DCC: variants seen among roughly 807,000 people sequenced by gnomAD.
DCC encodes the protein DCC netrin 1 receptor.
Under a neutral mutation model 172.5 loss-of-function variants are expected in DCC, and 58 were observed. The ratio of observed to expected loss-of-function variants is 0.34; its 90% confidence interval spans 0.27 to 0.42. DCC has a LOEUF of 0.42. DCC is among the 10% of genes least tolerant of loss of function. The pLI, the probability that DCC is intolerant of heterozygous loss-of-function variation, is 1.00. For synonymous variants in DCC, 709 were observed against 644.5 expected, an observed-to-expected ratio of 1.10 and a Z score of -1.52; for missense variants, 1,740 against 1,791.0, an observed-to-expected ratio of 0.97 and a Z score of 0.51.
rs2045906102 is a variant in DCC, at chr18:53,486,828, A to G, written c.3768A>G (p.Leu1256=). The change falls in exon 26 of 29, where the codon CTA becomes CTG. Residue 1256 remains leucine (L), a synonymous_variant. Transcript: ENST00000442544. The part of the protein sequence containing the change: ...AVVSAIPVPT[L]ESAQYPGILP... ...TGAGCGCCATCCCGGTGCCAACGCT[A>G]GAAAGTGCCCAGTACCCAGGAATCC... The G allele has an allele frequency of 6.2e-7, 1 of 1,614,166 alleles. No individual in the cohort carries two copies. Among genetic ancestry groups the G allele is most frequent in the East Asian group, 2.2e-5 (1 of 44,864 alleles).
chr18:53,234,752 A>C (rs2056177046), intron 12 of DCC, among the ~76,000 whole-genome samples: 1 of 152,224 alleles, frequency 6.6e-6, no homozygotes, highest in African/African-American at 2.4e-5. Flanking sequence ...ATATCAAAAG[A>C]AAACACTGAG....
chr18:53,433,570 T>C (rs1189934405), intron 21 of DCC, among the ~76,000 whole-genome samples: 1 of 152,204 alleles, frequency 6.6e-6, no homozygotes. Context: ...AATATTTATG[T>C]AGAGCTTCCA....
At chr18:53,173,847 A>C (rs1438891104) in intron 8 of DCC, among the ~76,000 whole-genome samples, 1 of 128,140 alleles carries the variant, frequency 7.8e-6, no homozygotes, top group Non-Finnish European at 1.6e-5. Flanking sequence ...CATCTACAGA[A>C]CTCTCCACCC....
intron 2 of DCC, among the ~76,000 whole-genome samples, chr18:52,874,974 G>A (rs186452060): frequency 3.9e-5 from 6 of 152,106 alleles, no homozygotes; most frequent in Admixed American, 2.6e-4. Flanking sequence ...GCTGTGGGGC[G>A]GTTCCTGATT....
intron 23 of DCC, among the ~76,000 whole-genome samples, chr18:53,457,108 G>A (rs995624541): frequency 2.0e-5 from 3 of 152,192 alleles, no homozygotes; most frequent in Admixed American, 6.5e-5. Flanking sequence ...ACAGTCAGCT[G>A]GGTGGGTGAG....
intron 5 of DCC, among the ~76,000 whole-genome samples, chr18:52,951,112 G>A (rs1179596901): frequency 3.9e-5 from 6 of 151,916 alleles, no homozygotes; most frequent in Non-Finnish European, 7.4e-5. Context: ...GCCACTGTTC[G>A]GTAATGTTTC....
At chr18:52,589,109 A>C (rs1267196315) in intron 1 of DCC, among the ~76,000 whole-genome samples, 1 of 152,168 alleles carries the variant, frequency 6.6e-6, no homozygotes, top group East Asian at 1.9e-4. Flanking sequence ...AAATATGTTG[A>C]AAATAATGTG....
chr18:52,455,854 C>T (rs903619309), intron 1 of DCC, among the ~76,000 whole-genome samples: 3 of 152,092 alleles, frequency 2.0e-5, no homozygotes, highest in Admixed American at 6.5e-5. Context: ...GATTAAACGT[C>T]CCTAAGGAGT....
At chr18:52,453,441 C>T (rs1037372767) in intron 1 of DCC, among the ~76,000 whole-genome samples, 5 of 152,108 alleles carry the variant, frequency 3.3e-5, no homozygotes, top group South Asian at 2.1e-4. Context: ...CTGTACCATG[C>T]GATGGGCACA....
Position 53,148,398 on chromosome 18 carries a change from G to A in DCC, c.1262-8958G>A, listed in dbSNP as rs972064731. ...TGGTGACAAGGGAGTGATTGAAATGGCACGTTTGGGGTCTCTGGGCATGGA... is the reference window on the plus strand; with the variant it reads ...TGGTGACAAGGGAGTGATTGAAATGACACGTTTGGGGTCTCTGGGCATGGA... On this transcript the variant is annotated intron_variant, in intron 7 of 28. Transcript: ENST00000442544. 2.6e-5 allele frequency among the ~76,000 whole-genome samples: 4 copies of A among 152,246 alleles called. No homozygotes were observed. The South Asian group carries it at 8.3e-4, about 32-fold the overall frequency.
intron 12 of DCC, among the ~76,000 whole-genome samples, chr18:53,275,054 A>C (rs1456787127): frequency 6.6e-6 from 1 of 152,160 alleles, no homozygotes; most frequent in Admixed American, 6.5e-5. Context: ...CAATGCAAAT[A>C]AAGATAATTA....
intron 2 of DCC, among the ~76,000 whole-genome samples, chr18:52,885,577 G>T (rs115063253): frequency 0.015 from 2,306 of 152,222 alleles, 43 homozygotes; most frequent in African/African-American, 0.039. Context: ...CTGGACAATG[G>T]CAGGTCCAGA....
chr18:53,105,736 C>T (rs1024763968), intron 7 of DCC, among the ~76,000 whole-genome samples: 3 of 151,766 alleles, frequency 2.0e-5, no homozygotes, highest in African/African-American at 4.8e-5. Flanking sequence ...TTAGAAGGTG[C>T]TTTCTGTGCC....
intron 7 of DCC, among the ~76,000 whole-genome samples, chr18:53,149,874 A>T (rs2043972751): frequency 6.6e-6 from 1 of 152,170 alleles, no homozygotes; most frequent in Non-Finnish European, 1.5e-5. Context: ...TTATTTGGCC[A>T]TACTCTTTGC....
intron 2 of DCC, among the ~76,000 whole-genome samples, chr18:52,864,703 G>A (rs552201877): frequency 6.6e-6 from 1 of 151,800 alleles, no homozygotes; most frequent in African/African-American, 2.4e-5. Flanking sequence ...CCCCCAACAG[G>A]CCCCAGTGTG....
At chr18:52,984,932 A>G (rs934793414) in intron 5 of DCC, among the ~76,000 whole-genome samples, 1 of 152,120 alleles carries the variant, frequency 6.6e-6, no homozygotes, top group Non-Finnish European at 1.5e-5. Context: ...TTAAAATGAC[A>G]TTTTATTGTC....
chr18:53,436,451 T>TA (rs1232064497), intron 22 of DCC, among the ~76,000 whole-genome samples: 3 of 152,196 alleles, frequency 2.0e-5, no homozygotes, highest in Non-Finnish European at 2.9e-5. Flanking sequence ...AATTCCAATC[T>TA]AAAAATAGTT....
chr18:52,641,525 C>A lies in DCC; in HGVS notation c.92-110529C>A, dbSNP rs1405490906. Among the ~76,000 whole-genome samples, 3 of 151,768 alleles carry A rather than the reference C, an allele frequency of 2.0e-5. No homozygotes were observed. The South Asian group carries it at 6.2e-4, about 32-fold the overall frequency. ...CTCAAACAAATCTGTAAGAAAAAAA[C>A]AAACAATCTCATCAAAAAGTGGGTT... is the stretch of plus-strand genomic sequence containing the variant. On this transcript the variant is annotated intron_variant, in intron 1 of 28. Transcript: ENST00000442544.
chr18:52,728,207 A>G (rs1369159366), intron 1 of DCC, among the ~76,000 whole-genome samples: 2 of 151,746 alleles, frequency 1.3e-5, no homozygotes, highest in Non-Finnish European at 2.9e-5. Flanking sequence ...ATCTCTCTCA[A>G]TGAATGAAAT....
Sources: gnomAD v4.1 joint callset for allele counts (sites outside exome capture counted in the v4.1 genomes callset) on GRCh38, gnomAD v4.1.1 for gene constraint, MANE v1.5 for transcripts, NCBI Gene and HGNC (gene_info 2026-07-23, HGNC 2026-07-21) for gene names.